The following GRIK4 variants were observed in gnomAD, a reference collection of about 807,000 sequenced individuals.
GRIK4 encodes glutamate ionotropic receptor kainate type subunit 4.
GRIK4 carries 40 observed loss-of-function variants against 104.9 expected under a neutral mutation model. The observed-to-expected ratio is 0.38, with a 90% confidence interval of 0.30 to 0.50. The LOEUF is 0.50. Ranked by LOEUF, GRIK4 falls within the 20% of genes least tolerant of loss-of-function variation. The pLI, the probability that GRIK4 is intolerant of heterozygous loss-of-function variation, is 0.93. For synonymous variants in GRIK4, 485 were observed against 524.9 expected, an observed-to-expected ratio of 0.92 and a Z score of 1.04; for missense variants, 1,047 against 1,308.1, an observed-to-expected ratio of 0.80 and a Z score of 3.08.
chr11:120,789,634 G>A (rs770544120), intron 3 of GRIK4, among the ~76,000 whole-genome samples: 2 of 151,870 alleles, frequency 1.3e-5, no homozygotes, highest in African/African-American at 2.4e-5. Flanking sequence ...CTTGTCCCTC[G>A]GCACCTTCTG....
rs372005068 is a variant in GRIK4, at chr11:120,911,405, A to G, written c.1476+5912A>G. ...AGGCGCGCGCCACCATGCCCGGCTA[A>G]TTTTTGTATTTTTAGTAGAGACGGG... is the stretch of plus-strand genomic sequence containing the variant. On this transcript the variant is annotated intron_variant, in intron 13 of 20. Coordinates refer to ENST00000527524, the MANE Select transcript of GRIK4 (RefSeq NM_014619.5). Among the ~76,000 whole-genome samples, 574 of 149,012 alleles carry G rather than the reference A, an allele frequency of 3.9e-3. 13 individuals are homozygous for G. The East Asian group carries it at 0.042, about 11-fold the overall frequency.
chr11:120,692,536 C>T (rs938455754), intron 3 of GRIK4, among the ~76,000 whole-genome samples: 2 of 152,016 alleles, frequency 1.3e-5, no homozygotes, highest in Admixed American at 6.5e-5. Context: ...AGAACAGGAG[C>T]GGTGGAGGCA....
At chr11:120,518,796 T>C (rs549691797) in intron 1 of GRIK4, among the ~76,000 whole-genome samples, 4 of 152,268 alleles carry the variant, frequency 2.6e-5, no homozygotes, top group Admixed American at 2.6e-4. Flanking sequence ...TTTTTTTGTA[T>C]TTTTAGTAGA....
At chr11:120,924,405 G>A (rs1282582580) in intron 13 of GRIK4, among the ~76,000 whole-genome samples, 1 of 151,918 alleles carries the variant, frequency 6.6e-6, no homozygotes, top group Non-Finnish European at 1.5e-5. Flanking sequence ...TCTCCTACTT[G>A]GGAAAATCAC....
intron 3 of GRIK4, among the ~76,000 whole-genome samples, chr11:120,748,165 G>A (rs180973392): frequency 6.6e-6 from 1 of 151,468 alleles, no homozygotes; most frequent in Admixed American, 6.6e-5. Flanking sequence ...GGTGGTCTGT[G>A]AGAAGCTGGC....
At chr11:120,630,116 G>C (rs943376033) in intron 1 of GRIK4, among the ~76,000 whole-genome samples, 25 of 152,200 alleles carry the variant, frequency 1.6e-4, no homozygotes, top group African/African-American at 6.0e-4. Flanking sequence ...GGCTGGAAGG[G>C]TTTCCTCTCT....
At chr11:120,777,137 C>T (rs543714095) in intron 3 of GRIK4, among the ~76,000 whole-genome samples, 6 of 152,278 alleles carry the variant, frequency 3.9e-5, no homozygotes, top group East Asian at 3.9e-4. Flanking sequence ...AACACCGACG[C>T]GGGTTTCTTC....
At chr11:120,741,096 C>T (rs1464650167) in intron 3 of GRIK4, among the ~76,000 whole-genome samples, 1 of 152,114 alleles carries the variant, frequency 6.6e-6, no homozygotes, top group Non-Finnish European at 1.5e-5. Context: ...CGTGTAATTG[C>T]TAGCACTGAG....
intron 3 of GRIK4, among the ~76,000 whole-genome samples, chr11:120,692,921 G>A (rs970363713): frequency 1.3e-5 from 2 of 150,494 alleles, no homozygotes; most frequent in African/African-American, 4.9e-5. Flanking sequence ...TAGTAGAGAT[G>A]GGTTTTCACC....
intron 1 of GRIK4, among the ~76,000 whole-genome samples, chr11:120,573,578 G>C (rs1215154105): frequency 3.3e-5 from 5 of 152,164 alleles, no homozygotes; most frequent in Admixed American, 1.3e-4. Context: ...GGTACACAGG[G>C]GATGGAGAGA....
intron 11 of GRIK4, among the ~76,000 whole-genome samples, chr11:120,882,718 A>G (rs1054801334): frequency 3.3e-5 from 5 of 152,198 alleles, no homozygotes; most frequent in African/African-American, 7.2e-5. Flanking sequence ...CATCTTTCCT[A>G]CCAGAGAACA....
At chr11:120,678,706 T>C (rs1472401294) in intron 3 of GRIK4, among the ~76,000 whole-genome samples, 1 of 151,892 alleles carries the variant, frequency 6.6e-6, no homozygotes, top group Non-Finnish European at 1.5e-5. Context: ...CGATCTTGGC[T>C]CACTACAACC....
At chr11:120,818,313 C>G (rs527704480) in intron 5 of GRIK4, among the ~76,000 whole-genome samples, 1 of 152,246 alleles carries the variant, frequency 6.6e-6, no homozygotes, top group Admixed American at 6.5e-5. Context: ...GGGCCTTCCC[C>G]TCTATCTTGC....
chr11:120,742,431 G>A (rs1469406690), intron 3 of GRIK4, among the ~76,000 whole-genome samples: 1 of 149,864 alleles, frequency 6.7e-6, no homozygotes, highest in Admixed American at 6.6e-5. Flanking sequence ...GAAAAAAAAA[G>A]CTCAATATCA....
chr11:120,638,925 G>T (rs903612494), intron 1 of GRIK4, among the ~76,000 whole-genome samples: 2 of 151,930 alleles, frequency 1.3e-5, no homozygotes, highest in Admixed American at 6.6e-5. Flanking sequence ...ATAATCCCAC[G>T]CCTGATCATG....
intron 3 of GRIK4, among the ~76,000 whole-genome samples, chr11:120,682,576 A>G (rs1033328447): frequency 7.1e-6 from 1 of 140,924 alleles, no homozygotes; most frequent in South Asian, 2.3e-4. Flanking sequence ...TGTCTAGACC[A>G]CTATTTGCCC....
intron 3 of GRIK4, among the ~76,000 whole-genome samples, chr11:120,665,896 T>C (rs1292886081): frequency 6.6e-6 from 1 of 152,154 alleles, no homozygotes; most frequent in African/African-American, 2.4e-5. Flanking sequence ...TCATCCGTCT[T>C]CCCTTGGTCT....
At chr11:120,654,758 C>A (rs2135226291) in intron 2 of GRIK4, among the ~76,000 whole-genome samples, 1 of 152,270 alleles carries the variant, frequency 6.6e-6, no homozygotes, top group East Asian at 1.9e-4. Context: ...TTAACATCCC[C>A]ATATTACGAA....
intron 1 of GRIK4, among the ~76,000 whole-genome samples, chr11:120,534,827 C>T (rs1054950189): frequency 6.6e-6 from 1 of 152,104 alleles, no homozygotes; most frequent in Non-Finnish European, 1.5e-5. Flanking sequence ...GGAGCAGAGG[C>T]AGAGGTTTGA....
Sources: allele counts gnomAD v4.1 joint callset (sites outside exome capture counted in the v4.1 genomes callset), GRCh38; gene constraint gnomAD v4.1.1; transcripts MANE v1.5; gene names NCBI Gene and HGNC (gene_info 2026-07-23, HGNC 2026-07-21).